The following MORC1 variants were observed in gnomAD, a reference collection of about 807,000 sequenced individuals.
MORC1 encodes MORC family CW-type zinc finger protein 1.
Under a neutral mutation model 134.9 loss-of-function variants are expected in MORC1, and 59 were observed. The observed-to-expected ratio is 0.44, with a 90% CI of 0.35 to 0.54. The LOEUF is 0.54. MORC1 is among the 20% of genes least tolerant of loss of function. The pLI is 0.00. For synonymous variants in MORC1, 395 were observed against 391.7 expected (o/e 1.01, Z -0.10); for missense variants, 947 against 1,134.5 (o/e 0.83, Z 2.37).
intron 1 of MORC1, among the ~76,000 whole-genome samples, chr3:109,117,030 G>A (rs768298524): frequency 2.0e-5 from 3 of 151,838 alleles, no homozygotes; most frequent in Admixed American, 6.6e-5. Context: ...GCACTGCCCT[G>A]AGCATTTTTC....
At chr3:109,023,661 G>T (rs1188679920) in intron 17 of MORC1, among the ~76,000 whole-genome samples, 1 of 152,164 alleles carries the variant, frequency 6.6e-6, no homozygotes, top group Admixed American at 6.5e-5. Context: ...AGGTAGAAGA[G>T]AAATTTTAAG....
chr3:109,047,048 T>C (rs1202384274), intron 14 of MORC1, among the ~76,000 whole-genome samples: 1 of 152,130 alleles, frequency 6.6e-6, no homozygotes, highest in Non-Finnish European at 1.5e-5. Context: ...AGTTTACATG[T>C]ACACGTTTAA....
chr3:109,036,280 AT>A (rs1165834372), intron 14 of MORC1, among the ~76,000 whole-genome samples: 6 of 151,892 alleles, frequency 4.0e-5, no homozygotes, highest in South Asian at 2.1e-4. Flanking sequence ...TTTTTTAAAA[AT>A]ATATATATAT....
At chr3:109,002,076 A>G (rs1025212444) in intron 20 of MORC1, among the ~76,000 whole-genome samples, 6 of 152,116 alleles carry the variant, frequency 3.9e-5, no homozygotes, top group Admixed American at 3.9e-4. Flanking sequence ...CCATCATCCT[A>G]GCCTACACCA....
intron 22 of MORC1, among the ~76,000 whole-genome samples, chr3:108,986,639 G>C (rs1390510794): frequency 6.6e-6 from 1 of 152,114 alleles, no homozygotes; most frequent in Non-Finnish European, 1.5e-5. Context: ...ATTTCAGGCA[G>C]TGTGGCAGTG....
At chr3:109,106,627 A>G (rs1197793840) in intron 3 of MORC1, among the ~76,000 whole-genome samples, 2 of 152,152 alleles carry the variant, frequency 1.3e-5, no homozygotes, top group Non-Finnish European at 2.9e-5. Context: ...CAGCTGTGCA[A>G]GTCAAAACCT....
intron 24 of MORC1, among the ~76,000 whole-genome samples, chr3:108,977,416 C>T (rs1276485765): frequency 6.6e-6 from 1 of 152,102 alleles, no homozygotes; most frequent in African/African-American, 2.4e-5. Flanking sequence ...CAGGGTCTTG[C>T]TATGTTGCCC....
chr3:108,984,056 T>C (rs1350890765), intron 23 of MORC1, among the ~76,000 whole-genome samples: 3 of 152,232 alleles, frequency 2.0e-5, no homozygotes, highest in East Asian at 3.9e-4. Flanking sequence ...GAGTGCTGGA[T>C]TGACTCACTA....
At chr3:108,996,621 G>A (rs7637739) in intron 21 of MORC1, among the ~76,000 whole-genome samples, 24,039 of 152,170 alleles carry the variant, frequency 0.16, 2,108 homozygotes, top group African/African-American at 0.22. Flanking sequence ...AGCTCCAAAT[G>A]ATGTGCAAGG....
intron 21 of MORC1, among the ~76,000 whole-genome samples, chr3:108,990,967 ATAT>A (rs953114680): frequency 2.0e-5 from 3 of 151,684 alleles, no homozygotes; most frequent in African/African-American, 7.3e-5. Flanking sequence ...ATATGACCTG[ATAT>A]TATATTACAT....
At chr3:109,058,453 A>C (rs776655858) in intron 12 of MORC1, among the ~76,000 whole-genome samples, 1 of 152,104 alleles carries the variant, frequency 6.6e-6, no homozygotes, top group Non-Finnish European at 1.5e-5. Flanking sequence ...CTCTCTCCAC[A>C]AACTTGGCCT....
intron 9 of MORC1, among the ~76,000 whole-genome samples, chr3:109,064,801 G>T (rs944284353): frequency 1.3e-5 from 2 of 152,134 alleles, no homozygotes; most frequent in African/African-American, 4.8e-5. Flanking sequence ...TTTCTGGTTC[G>T]TATAATATTG....
At chr3:109,068,716 T>C (rs13082010) in intron 9 of MORC1, among the ~76,000 whole-genome samples, 3,467 of 152,258 alleles carry the variant, frequency 0.023, 63 homozygotes, top group Middle Eastern at 0.11. Flanking sequence ...TTTCCTCTAA[T>C]CTCAAACTCA....
At chr3:108,977,400 TGG>T (rs1947592118) in intron 24 of MORC1, among the ~76,000 whole-genome samples, 1 of 152,214 alleles carries the variant, frequency 6.6e-6, no homozygotes, top group Non-Finnish European at 1.5e-5. Flanking sequence ...ATTATTTTTA[TGG>T]AGACAGGGTC....
chr3:109,082,975 C>CT, intron 8 of MORC1, among the ~76,000 whole-genome samples: 1 of 152,044 alleles, frequency 6.6e-6, no homozygotes, highest in East Asian at 1.9e-4. Flanking sequence ...TACCCCAATG[C>CT]ATATAAGAAT....
At chr3:109,024,213 T>A (rs1949023424) in intron 17 of MORC1, among the ~76,000 whole-genome samples, 1 of 152,200 alleles carries the variant, frequency 6.6e-6, no homozygotes, top group Non-Finnish European at 1.5e-5. Context: ...ATTTTTCCTA[T>A]AAGACTGCGA....
chr3:109,056,244 T>C (rs1258790146), intron 13 of MORC1, among the ~76,000 whole-genome samples: 1 of 152,200 alleles, frequency 6.6e-6, no homozygotes, highest in Non-Finnish European at 1.5e-5. Flanking sequence ...TATTTATTTT[T>C]TGAGACAGAG....
chr3:108,989,527 G>A (rs2895349), intron 21 of MORC1, among the ~76,000 whole-genome samples: 45,411 of 151,982 alleles, frequency 0.3, 7,620 homozygotes, highest in Non-Finnish European at 0.37. Context: ...AAATAAGTCA[G>A]AGGAAAAAAG....
chr3:109,115,212 A>G (rs1323969116), intron 1 of MORC1, among the ~76,000 whole-genome samples: 2 of 152,228 alleles, frequency 1.3e-5, no homozygotes, highest in South Asian at 4.1e-4. Context: ...GTAAACAGGT[A>G]ACAGAAGCAA....
Sources: gnomAD v4.1 joint callset for allele counts (sites outside exome capture counted in the v4.1 genomes callset) on GRCh38, gnomAD v4.1.1 for gene constraint, MANE v1.5 for transcripts, NCBI Gene and HGNC (gene_info 2026-07-23, HGNC 2026-07-21) for gene names.